The following CD207 variants were observed in gnomAD, a reference collection of about 807,000 sequenced individuals.
CD207 encodes the protein CD207 molecule.
CD207 carries 28 observed loss-of-function variants against 31.6 expected under a neutral mutation model. The observed-to-expected ratio is 0.89, with a 90% confidence interval of 0.66 to 1.21. CD207 has a LOEUF of 1.21. Ranked by LOEUF, CD207 falls within the 50% of genes most tolerant of loss-of-function variation. CD207 has a pLI of 0.00. For missense variants in CD207, 388 were observed against 397.8 expected, an observed-to-expected ratio of 0.98 and a Z score of 0.21; for synonymous variants, 168 against 153.9, an observed-to-expected ratio of 1.09 and a Z score of -0.68.
At position 70,833,932 on chromosome 2, in the gene CD207, A is replaced by G; in HGVS notation, c.279T>C (p.Ser93=). 1 of 1,587,776 alleles carries G rather than the reference A, an allele frequency of 6.3e-7. No individual in the cohort carries two copies. Among genetic ancestry groups the G allele is most frequent in the Non-Finnish European group, 8.6e-7 (1 of 1,165,850 alleles). The change falls in exon 3 of 6, where the codon TCT becomes TCC. Residue 93 remains serine, a synonymous_variant. Transcript: ENST00000410009. The part of the protein sequence containing the change: ...GRVDNISTLD[S]EIKKNSDGME... ...TGCCGTCACTATTCTTTTTAATTTC[A>G]GAATCCAGGGTGCTGATGTTGTCCA...
At chr2:70,835,193 A>G (rs2104705257) in intron 2 of CD207, among the ~76,000 whole-genome samples, 1 of 152,316 alleles carries the variant, frequency 6.6e-6, no homozygotes, top group African/African-American at 2.4e-5. Flanking sequence ...ACGGGGAGAA[A>G]ATAGCACAGG....
At position 70,831,718 on chromosome 2, in the gene CD207, G is replaced by A; in HGVS notation, c.819C>T (p.Asn273=). 6.2e-7 allele frequency: 1 copy of A among 1,611,700 alleles called. No individual in the cohort carries two copies. Among genetic ancestry groups the A allele is most frequent in the South Asian group, 1.1e-5 (1 of 91,014 alleles). ...DWSWVDDTPF[N]KVQSVRFWIP... Reference sequence around the variant, plus strand: ...GGGCTTACCTCACACTTTGGACCTTGTTGAATGGCGTGTCATCCACCCAGG... The same window carrying A: ...GGGCTTACCTCACACTTTGGACCTTATTGAATGGCGTGTCATCCACCCAGG... The change falls in exon 5 of 6, where the codon AAC becomes AAT. Residue 273 remains asparagine (N), a synonymous_variant. Coordinates refer to ENST00000410009, the MANE Select transcript of CD207 (RefSeq NM_015717.5).
chr2:70,829,480 GT>G (rs1397792642), downstream of CD207, among the ~76,000 whole-genome samples: 2 of 152,190 alleles, frequency 1.3e-5, no homozygotes, highest in Non-Finnish European at 2.9e-5. Context: ...TGATTGGCTT[GT>G]TTGAATAGTT....
intron 5 of CD207, 90 bp from the exon 6 acceptor site, chr2:70,831,290 G>A: frequency 1.5e-6 from 2 of 1,325,424 alleles, no homozygotes. Context: ...CTCAACCCAA[G>A]CTTTTGTCCT....
downstream of CD207, among the ~76,000 whole-genome samples, chr2:70,826,530 C>T (rs115425225): frequency 0.013 from 1,967 of 152,208 alleles, 44 homozygotes; most frequent in African/African-American, 0.045. Flanking sequence ...TCCGCACTAC[C>T]ACACCCAGCT....
downstream of CD207, among the ~76,000 whole-genome samples, chr2:70,828,017 G>T (rs962393636): frequency 2.0e-5 from 3 of 152,048 alleles, no homozygotes; most frequent in Non-Finnish European, 4.4e-5. Context: ...AAAAAAGAAA[G>T]AAAACAACTA....
downstream of CD207, among the ~76,000 whole-genome samples, chr2:70,827,477 A>C (rs1465779646): frequency 1.3e-5 from 2 of 152,216 alleles, no homozygotes; most frequent in Non-Finnish European, 2.9e-5. Context: ...GGCTACCTGG[A>C]GCCCTGGCCA....
In CD207 at chr2:70,833,113, TG is replaced by T. The variant is rs1471245631; in HGVS notation, c.566-63del. On this transcript the variant is annotated intron_variant, in intron 3 of 5. Coordinates refer to ENST00000410009, the MANE Select transcript of CD207 (RefSeq NM_015717.5). ...TTGATTTCTTGGGATGCTGGCTTGG[TG>T]GGGGCACTTGAATGAGGTCTCAGAG... The T allele has an allele frequency of 4.5e-6, 7 of 1,549,872 alleles. No homozygotes were observed. The African/African-American group carries it at 8.1e-5, about 18-fold the overall frequency.
downstream of CD207, among the ~76,000 whole-genome samples, chr2:70,826,815 C>A (rs1677356746): frequency 6.6e-6 from 1 of 152,220 alleles, no homozygotes; most frequent in Admixed American, 6.5e-5. Context: ...TTTCCAGTGA[C>A]ATAATTCTAT....
At chr2:70,833,354 A>C (rs1553400210) in intron 3 of CD207, among the ~76,000 whole-genome samples, 1 of 152,174 alleles carries the variant, frequency 6.6e-6, no homozygotes, top group Non-Finnish European at 1.5e-5. Context: ...GGACTCTAGA[A>C]AGGAACTTGA....
chr2:70,833,073 T>C (rs1553400175), intron 3 of CD207, 22 bp from the exon 4 acceptor site: 2 of 1,613,222 alleles, frequency 1.2e-6, no homozygotes, highest in Non-Finnish European at 1.7e-6. Context: ...GAGGTAAAAG[T>C]GAACGCTGGT....
chr2:70,828,029 T>C (rs1290520827), downstream of CD207, among the ~76,000 whole-genome samples: 1 of 152,190 alleles, frequency 6.6e-6, no homozygotes, highest in African/African-American at 2.4e-5. Context: ...AAACAACTAA[T>C]GTAATACAAT....
Position 70,831,081 on chromosome 2 carries a change from C to G in CD207, c.956G>C (p.Cys319Ser). 2 of 1,613,718 alleles carry G rather than the reference C, an allele frequency of 1.2e-6. No individual in the cohort carries two copies. The highest frequency in any genetic ancestry group is 8.5e-7 in the Non-Finnish European group (1 of 1,179,824). The change falls in exon 6 of 6, where the codon TGT (cysteine) becomes TCT (serine). Residue 319 changes from cysteine (C) to serine (S), a missense_variant. Cys to Ser is a moderately radical substitution (Grantham distance 112). Transcript: ENST00000410009. ...TTCTGATGGGACATAGGGTCGCTTA[C>G]AAATGAAAAGAAACGTTTTGTCACA... ...APCDKTFLFI[C>S]KRPYVPSEP
intron 5 of CD207, among the ~76,000 whole-genome samples, 178 bp from the exon 6 acceptor site, chr2:70,831,378 C>T (rs1553399738): frequency 6.6e-6 from 1 of 152,204 alleles, no homozygotes; most frequent in African/African-American, 2.4e-5. Context: ...TAAGCTTTCA[C>T]ATGCCCCAAG....
intron 4 of CD207, among the ~76,000 whole-genome samples, chr2:70,832,643 A>T (rs968688434): frequency 6.6e-6 from 1 of 152,210 alleles, no homozygotes; most frequent in Non-Finnish European, 1.5e-5. Flanking sequence ...TTTGCACAAT[A>T]TGTCAAGTTC....
chr2:70,832,750 G>A (rs1677505512), intron 4 of CD207, 150 bp downstream of exon 4: 1 of 722,366 alleles, frequency 1.4e-6, no homozygotes, highest in Non-Finnish European at 2.1e-6. Flanking sequence ...CCCCTTGCCG[G>A]CCCTTATTCG....
At position 70,835,401 on chromosome 2, in the gene CD207, C is replaced by T. The variant is rs558961457; in HGVS notation, c.190+90G>A. On this transcript the variant is annotated intron_variant, in intron 2 of 5. Coordinates refer to ENST00000410009, the MANE Select transcript of CD207 (RefSeq NM_015717.5). ...ATGAAAAAGCCACAGGCAGGAGAAA[C>T]CCGGAGAGCAGGGAAGTGGTCTCGA... is the stretch of plus-strand genomic sequence containing the variant. 2.2e-5 allele frequency: 19 copies of T among 871,278 alleles called. No individual in the cohort carries two copies. The African/African-American group carries it at 3.0e-4, about 14-fold the overall frequency. 54.0% of individuals were successfully genotyped at this position (871,278 alleles called of 1,614,324 possible).
At chr2:70,828,445 T>C (rs1574391646), downstream of CD207, among the ~76,000 whole-genome samples, 1 of 152,206 alleles carries the variant, frequency 6.6e-6, no homozygotes, top group East Asian at 1.9e-4. Flanking sequence ...ACATCCTCAC[T>C]GACTCAGGCT....
Position 70,833,042 on chromosome 2 carries a change from A to G in CD207, c.575T>C (p.Leu192Pro), listed in dbSNP as rs1553400162. 1 of 1,613,844 alleles carries G rather than the reference A, an allele frequency of 6.2e-7. No individual in the cohort carries two copies. Among genetic ancestry groups the G allele is most frequent in the East Asian group, 2.2e-5 (1 of 44,894 alleles). Residue 192 changes from leucine (L) to proline (P), a missense_variant, in exon 4 of 6, where the codon CTA (leucine) becomes CCA (proline). Physicochemically the swap from Leu to Pro is moderately conservative, Grantham distance 98 (BLOSUM62 -3). Coordinates refer to ENST00000410009, the MANE Select transcript of CD207 (RefSeq NM_015717.5). Reference protein sequence around the residue: ...SKLLKRQNDILQVVSQGWKYF... With the variant: ...SKLLKRQNDIPQVVSQGWKYF... ...CTTCCAGCCTTGAGAAACCACCTGT[A>G]GAATATCATCTAGAGAACAAGAGGT...
Sources: gnomAD v4.1 joint callset for allele counts (sites outside exome capture counted in the v4.1 genomes callset) on GRCh38, gnomAD v4.1.1 for gene constraint, MANE v1.5 for transcripts, NCBI Gene and HGNC (gene_info 2026-07-23, HGNC 2026-07-21) for gene names.